NSUN6: variants seen among roughly 807,000 people sequenced by gnomAD.
NSUN6 encodes the protein tRNA (cytosine(72)-C(5))-methyltransferase NSUN6.
NSUN6 carries 64 observed loss-of-function variants against 58.0 expected under a neutral mutation model. The ratio of observed to expected loss-of-function variants is 1.10; its 90% confidence interval spans 0.90 to 1.36. The LOEUF (loss-of-function observed/expected upper bound fraction) is 1.36, where lower values mean the gene tolerates loss of function less well. Ranked by LOEUF, NSUN6 falls within the 40% of genes most tolerant of loss-of-function variation. The pLI, the probability that NSUN6 is intolerant of heterozygous loss-of-function variation, is 0.00. For missense variants in NSUN6, 701 were observed against 550.1 expected (o/e 1.27, Z -2.74); for synonymous variants, 231 against 193.9 (o/e 1.19, Z -1.59).
intron 8 of NSUN6, among the ~76,000 whole-genome samples, chr10:18,570,060 C>T (rs1332894584): frequency 6.6e-6 from 1 of 150,806 alleles, no homozygotes; most frequent in Non-Finnish European, 1.5e-5. Context: ...ATTCTATTTG[C>T]ATTCCATTCC....
chr10:18,584,827 G>C (rs1300751759), intron 8 of NSUN6, among the ~76,000 whole-genome samples: 1 of 151,646 alleles, frequency 6.6e-6, no homozygotes, highest in Non-Finnish European at 1.5e-5. Context: ...TAAAAGATTA[G>C]CAGTTGATTG....
chr10:18,579,750 G>C (rs1220115447), intron 8 of NSUN6, among the ~76,000 whole-genome samples: 1 of 152,158 alleles, frequency 6.6e-6, no homozygotes, highest in Admixed American at 6.5e-5. Context: ...GTTAGGAGTA[G>C]CTAAGAGACA....
intron 4 of NSUN6, among the ~76,000 whole-genome samples, chr10:18,615,128 T>TATACAC (rs562207637): frequency 1.0e-4 from 15 of 148,004 alleles, no homozygotes; most frequent in South Asian, 2.1e-4. Context: ...TATATATATA[T>TATACAC]ACACACACAT....
Position 18,557,601 on chromosome 10 carries a change from A to C in NSUN6, c.923-5630T>G, listed in dbSNP as rs536048157. Among the ~76,000 whole-genome samples the C allele has an allele frequency of 4.1e-4, 62 of 150,950 alleles. 1 individual carries two copies. The highest frequency in any genetic ancestry group is 7.4e-5 in the Non-Finnish European group (5 of 67,510). ...TGAATGGAATGGAGAATGGAATGGA[A>C]GATGGATTGGAACGGAGAATGGAAT... On this transcript the variant is annotated intron_variant, in intron 8 of 10. Coordinates refer to ENST00000377304, the MANE Select transcript of NSUN6 (RefSeq NM_182543.5).
intron 8 of NSUN6, among the ~76,000 whole-genome samples, chr10:18,583,414 G>C (rs547302646): frequency 6.6e-6 from 1 of 151,964 alleles, no homozygotes; most frequent in African/African-American, 2.4e-5. Flanking sequence ...ACACAGACGC[G>C]GTTGACAGTA....
intron 9 of NSUN6, chr10:18,551,605 T>C (rs1171062643): frequency 2.5e-6 from 1 of 405,586 alleles, no homozygotes; most frequent in Non-Finnish European, 4.4e-6. Flanking sequence ...TTCACCCATG[T>C]TGTGCCTGTA....
intron 6 of NSUN6, among the ~76,000 whole-genome samples, chr10:18,606,929 T>C (rs993683513): frequency 2.3e-4 from 35 of 152,166 alleles, no homozygotes; most frequent in African/African-American, 8.2e-4. Context: ...TATGAAAGGC[T>C]TGGGCATCTT....
intron 8 of NSUN6, among the ~76,000 whole-genome samples, chr10:18,577,293 T>C (rs984305115): frequency 9.2e-5 from 14 of 152,174 alleles, no homozygotes; most frequent in Non-Finnish European, 1.9e-4. Context: ...AACAAAGGCA[T>C]TGCAAGGTCT....
At chr10:18,658,490 G>T, upstream of NSUN6, 1 of 163,134 alleles carries the variant, frequency 6.1e-6, no homozygotes, top group Non-Finnish European at 1.3e-5. Flanking sequence ...TCTTTTCAAT[G>T]CTAGAACCTA....
At chr10:18,548,005 T>C in intron 10 of NSUN6, 107 bp downstream of exon 10, 1 of 1,065,326 alleles carries the variant, frequency 9.4e-7, no homozygotes, top group South Asian at 1.6e-5. Flanking sequence ...TATTACAGTG[T>C]TCACTTTGGA....
At chr10:18,549,192 T>C (rs1589809329) in intron 9 of NSUN6, among the ~76,000 whole-genome samples, 1 of 152,140 alleles carries the variant, frequency 6.6e-6, no homozygotes, top group Non-Finnish European at 1.5e-5. Context: ...ACAAAGTCCT[T>C]ACAGAGGTCT....
intron 8 of NSUN6, among the ~76,000 whole-genome samples, chr10:18,578,919 G>A (rs1215989389): frequency 6.6e-6 from 1 of 152,060 alleles, no homozygotes; most frequent in Non-Finnish European, 1.5e-5. Flanking sequence ...CCTGTCAACG[G>A]TAATGGTAAT....
rs568894879 is a variant in NSUN6, at chr10:18,633,985, T to C, written c.311+8491A>G. Among the ~76,000 whole-genome samples the C allele has an allele frequency of 1.4e-3, 218 of 152,308 alleles. 1 individual carries two copies. The highest frequency in any genetic ancestry group is 5.1e-3 in the African/African-American group (214 of 41,570). Reference sequence around the variant, plus strand: ...GATTTGCAGTACTTCCCAGAAAACATATTTGATTAGTCCCATAGGTATGCT... The same window carrying C: ...GATTTGCAGTACTTCCCAGAAAACACATTTGATTAGTCCCATAGGTATGCT... On this transcript the variant is annotated intron_variant, in intron 3 of 10. Coordinates refer to ENST00000377304, the MANE Select transcript of NSUN6 (RefSeq NM_182543.5).
At chr10:18,629,161 A>T (rs138182987) in intron 3 of NSUN6, among the ~76,000 whole-genome samples, 1 of 152,164 alleles carries the variant, frequency 6.6e-6, no homozygotes. Context: ...ACTAAGCTTC[A>T]TAAGTGAAGG....
chr10:18,574,208 A>G (rs1047659657), intron 8 of NSUN6, among the ~76,000 whole-genome samples: 3 of 152,150 alleles, frequency 2.0e-5, no homozygotes, highest in Non-Finnish European at 4.4e-5. Context: ...CAACACGGCT[A>G]CCACAGTTAT....
chr10:18,603,735 C>A (rs867540607), intron 6 of NSUN6, among the ~76,000 whole-genome samples: 1 of 152,110 alleles, frequency 6.6e-6, no homozygotes, highest in Admixed American at 6.6e-5. Flanking sequence ...CCTCAGCCTC[C>A]CAAACTGCTG....
intron 10 of NSUN6, among the ~76,000 whole-genome samples, chr10:18,546,849 G>C (rs1015052706): frequency 6.6e-6 from 1 of 151,590 alleles, no homozygotes; most frequent in Non-Finnish European, 1.5e-5. Flanking sequence ...TCCAGCCTGA[G>C]CGACAGAGTG....
rs371903198 is a variant in NSUN6 at position 18,571,150 on chromosome 10, C to T, written c.922+14799G>A. Among the ~76,000 whole-genome samples the T allele has an allele frequency of 3.5e-3, 521 of 150,532 alleles. 3 individuals carry two copies. The highest frequency in any genetic ancestry group is 5.9e-3 in the Non-Finnish European group (397 of 67,366). On this transcript the variant is annotated intron_variant, in intron 8 of 10. Transcript: ENST00000377304. ...TCCATTCTCCATTCCACTATCTATT[C>T]TATTCCATTCTTCACTGCATTCCAT...
At chr10:18,582,060 C>T in intron 8 of NSUN6, among the ~76,000 whole-genome samples, 1 of 152,038 alleles carries the variant, frequency 6.6e-6, no homozygotes, top group East Asian at 1.9e-4. Context: ...CCCTTACCAG[C>T]CGAAAGTCCC....
Sources: gnomAD v4.1 joint callset for allele counts (sites outside exome capture counted in the v4.1 genomes callset) on GRCh38, gnomAD v4.1.1 for gene constraint, MANE v1.5 for transcripts, NCBI Gene and HGNC (gene_info 2026-07-23, HGNC 2026-07-21) for gene names.